Variants in SHANK2 observed in about 807,000 individuals in gnomAD.
SHANK2 encodes SH3 and multiple ankyrin repeat domains protein 2.
SHANK2 carries 43 observed loss-of-function variants against 133.7 expected under a neutral mutation model. That is an observed-to-expected ratio of 0.32 (90% CI 0.25 to 0.41). The LOEUF is 0.41. Ranked by LOEUF, SHANK2 falls within the 10% of genes least tolerant of loss-of-function variation. The pLI is 1.00. For missense variants in SHANK2, 1,994 were observed against 2,235.8 expected, an observed-to-expected ratio of 0.89 and a Z score of 2.18; for synonymous variants, 1,017 against 952.8, an observed-to-expected ratio of 1.07 and a Z score of -1.24.
intron 2 of SHANK2, among the ~76,000 whole-genome samples, chr11:71,211,043 C>T (rs1954266897): frequency 6.6e-6 from 1 of 152,148 alleles, no homozygotes; most frequent in Admixed American, 6.5e-5. Context: ...CAGGGGGGTC[C>T]CCCAGGGCTG....
chr11:70,746,526 G>A (rs1326596259), intron 14 of SHANK2, among the ~76,000 whole-genome samples: 4 of 138,906 alleles, frequency 2.9e-5, no homozygotes, highest in Non-Finnish European at 6.2e-5. Context: ...CTCACAGCAC[G>A]CATCTCCTCT....
chr11:70,647,993 T>A (rs1368542424), intron 17 of SHANK2, among the ~76,000 whole-genome samples: 2 of 152,208 alleles, frequency 1.3e-5, no homozygotes, highest in African/African-American at 4.8e-5. Context: ...AACCATAAGT[T>A]AGAAACAGCC....
At chr11:71,120,867 C>T (rs1555101360) in intron 3 of SHANK2, among the ~76,000 whole-genome samples, 1 of 152,214 alleles carries the variant, frequency 6.6e-6, no homozygotes, top group African/African-American at 2.4e-5. Flanking sequence ...GGCTCCCTCC[C>T]TGACACCTGC....
chr11:70,752,940 C>T lies in SHANK2; in HGVS notation c.1777+45503G>A, dbSNP rs570046231. ...ACCAGCCTGGCTAATATGGTGAAAC[C>T]CTGTCTATACTAAAAATATAAAATT... On this transcript the variant is annotated intron_variant, in intron 14 of 25. Transcript: ENST00000601538. Among the ~76,000 whole-genome samples, 8 of 151,868 alleles carry T rather than the reference C, an allele frequency of 5.3e-5. No individual in the cohort carries two copies. The South Asian group carries it at 1.7e-3, about 32-fold the overall frequency.
chr11:70,934,729 C>T (rs533321074), intron 10 of SHANK2, among the ~76,000 whole-genome samples: 269 of 152,266 alleles, frequency 1.8e-3, no homozygotes, highest in South Asian at 0.012. Context: ...ATAGAAGAGG[C>T]GAATGGGAAC....
Position 70,798,467 on chromosome 11 carries a change from A to C in SHANK2, c.1753T>G (p.Cys585Gly), listed in dbSNP as rs1947967896. The C allele has an allele frequency of 4.2e-6, 3 of 718,412 alleles. No homozygotes were observed. The highest frequency in any genetic ancestry group is 7.8e-6 in the Non-Finnish European group (3 of 385,068). 44.5% of individuals were successfully genotyped at this position (718,412 alleles called of 1,614,324 possible). A position where few individuals can be genotyped will look rare whatever the true frequency, so the allele number is the denominator to read the frequency against. ...CCTGCCTGGCTGTCCCTGGGCTTAC[A>C]CTGGACCTCCTCCACGCACTCCGCC... The part of the protein sequence containing the change: ...FPAECVEEVQ[C>G]KPRDSQAETR... The change falls in exon 14 of 26, where the codon TGT becomes GGT. Residue 585 changes from cysteine (C) to glycine (G), a missense_variant. Around this residue, in one of 5 missense-constraint regions of SHANK2, gnomAD observed 653 missense variants for 563.4 expected, o/e 1.16. Transcript: ENST00000601538.
At chr11:70,543,613 A>G (rs538136914) in intron 17 of SHANK2, among the ~76,000 whole-genome samples, 130 of 152,298 alleles carry the variant, frequency 8.5e-4, no homozygotes, top group African/African-American at 3.0e-3. Flanking sequence ...CCTGTACCTC[A>G]CCCCACACAT....
intron 10 of SHANK2, among the ~76,000 whole-genome samples, chr11:70,941,994 C>CA (rs1950654830): frequency 4.6e-5 from 7 of 151,872 alleles, no homozygotes; most frequent in African/African-American, 1.7e-4. Context: ...GAGTTTGAGA[C>CA]CTGGCCAACA....
chr11:70,827,624 G>C (rs1442378996), intron 11 of SHANK2, among the ~76,000 whole-genome samples: 1 of 142,460 alleles, frequency 7.0e-6, no homozygotes, highest in Non-Finnish European at 1.5e-5. Flanking sequence ...TTAGTGTGCT[G>C]TGTGTGTGTG....
intron 15 of SHANK2, among the ~76,000 whole-genome samples, chr11:70,695,013 C>T (rs910415305): frequency 2.0e-5 from 3 of 152,146 alleles, no homozygotes; most frequent in Non-Finnish European, 2.9e-5. Context: ...ACCCTGCACC[C>T]GTTATGAACC....
intron 10 of SHANK2, among the ~76,000 whole-genome samples, chr11:70,954,146 T>A (rs1373470897): frequency 6.6e-6 from 1 of 152,178 alleles, no homozygotes; most frequent in East Asian, 1.9e-4. Flanking sequence ...TGTTCCCACA[T>A]CCACGTGGAT....
intron 21 of SHANK2, among the ~76,000 whole-genome samples, chr11:70,498,757 A>T (rs1275384042): frequency 6.6e-6 from 1 of 152,042 alleles, no homozygotes; most frequent in East Asian, 1.9e-4. Flanking sequence ...AACAATGGAA[A>T]CGTATCCCTG....
intron 17 of SHANK2, among the ~76,000 whole-genome samples, chr11:70,653,273 T>C (rs1240221481): frequency 1.3e-5 from 2 of 152,166 alleles, no homozygotes; most frequent in Non-Finnish European, 2.9e-5. Context: ...GCACCCGGCC[T>C]GGACTTCATT....
At chr11:70,873,862 G>A (rs928294287) in intron 11 of SHANK2, among the ~76,000 whole-genome samples, 1 of 151,888 alleles carries the variant, frequency 6.6e-6, no homozygotes, top group Non-Finnish European at 1.5e-5. Flanking sequence ...CCTAGCACCA[G>A]CCTCCTGTCA....
At chr11:70,488,082 CGT>C (rs1403026242) in intron 24 of SHANK2, among the ~76,000 whole-genome samples, 4 of 152,126 alleles carry the variant, frequency 2.6e-5, no homozygotes, top group Admixed American at 2.6e-4. Flanking sequence ...GCTGCTTGTG[CGT>C]GTGTGTGTGC....
intron 14 of SHANK2, among the ~76,000 whole-genome samples, chr11:70,758,330 T>C (rs1946917190): frequency 6.6e-6 from 1 of 152,054 alleles, no homozygotes; most frequent in Admixed American, 6.6e-5. Context: ...CGAGGTGAGC[T>C]TTCGCTCGCC....
intron 17 of SHANK2, among the ~76,000 whole-genome samples, chr11:70,640,379 G>A (rs1565205109): frequency 2.6e-5 from 4 of 152,150 alleles, no homozygotes; most frequent in East Asian, 1.9e-4. Context: ...GCCAAGGGAC[G>A]CCTGGAGACA....
At chr11:71,061,183 G>A (rs1324585810) in intron 9 of SHANK2, among the ~76,000 whole-genome samples, 1 of 152,244 alleles carries the variant, frequency 6.6e-6, no homozygotes, top group Non-Finnish European at 1.5e-5. Context: ...GCCTAATCCT[G>A]CACATCTAAT....
At chr11:70,665,442 A>G (rs996355097) in intron 15 of SHANK2, among the ~76,000 whole-genome samples, 4 of 152,170 alleles carry the variant, frequency 2.6e-5, no homozygotes, top group Non-Finnish European at 4.4e-5. Context: ...ACCCTGCTCC[A>G]TCTGAGAATT....
Sources: gnomAD v4.1 joint callset for allele counts (sites outside exome capture counted in the v4.1 genomes callset) on GRCh38, gnomAD v4.1.1 for gene constraint, gnomAD v4.1.1 regional missense constraint, MANE v1.5 for transcripts, NCBI Gene and HGNC (gene_info 2026-07-23, HGNC 2026-07-21) for gene names.